MAP2K4: variants seen among roughly 807,000 people sequenced by gnomAD.
The protein encoded by MAP2K4 is mitogen-activated protein kinase kinase 4.
Under a neutral mutation model 48.5 loss-of-function variants are expected in MAP2K4, and 4 were observed. The observed-to-expected ratio is 0.08, with a 90% CI of 0.04 to 0.19. The LOEUF is 0.19. Among genes scored for constraint, MAP2K4 ranks in the 10% least tolerant of loss-of-function variants. The pLI is 1.00. For synonymous variants in MAP2K4, 166 were observed against 173.1 expected (o/e 0.96, Z 0.32); for missense variants, 258 against 493.3 (o/e 0.52, Z 4.52).
chr17:12,137,011 A>G (rs1001092797), intron 9 of MAP2K4, among the ~76,000 whole-genome samples: 2 of 152,242 alleles, frequency 1.3e-5, no homozygotes, highest in Admixed American at 1.3e-4. Context: ...TTTTGCAACC[A>G]GAGGACTGGA....
At chr17:12,098,264 G>C (rs975879597) in intron 4 of MAP2K4, among the ~76,000 whole-genome samples, 5 of 152,124 alleles carry the variant, frequency 3.3e-5, no homozygotes, top group Admixed American at 2.0e-4. Flanking sequence ...CGGATCACGA[G>C]GTCAGGAGCC....
rs1355543573 is a variant in MAP2K4, at chr17:12,129,241, G to A, written c.994G>A (p.Glu332Lys). The A allele has an allele frequency of 6.2e-7, 1 of 1,614,118 alleles. No homozygotes were observed. The highest frequency in any genetic ancestry group is 8.5e-7 in the Non-Finnish European group (1 of 1,180,036). The change falls in exon 9 of 11, where the codon GAG (glutamate) becomes AAG (lysine). Residue 332 changes from glutamate to lysine, a missense_variant. Physicochemically the swap from Glu to Lys is moderately conservative, Grantham distance 56 (BLOSUM62 1). Coordinates refer to ENST00000353533, the MANE Select transcript of MAP2K4 (RefSeq NM_003010.4). ...AGATCCTCCGCAGCTGAGTAATTCT[G>A]AGGAAAGGGAATTCTCCCCGAGTTT... ...KGDPPQLSNS[E>K]EREFSPSFIN...
chr17:12,111,181 TAGGA>T (rs1972292819), intron 6 of MAP2K4, among the ~76,000 whole-genome samples: 1 of 151,966 alleles, frequency 6.6e-6, no homozygotes, highest in South Asian at 2.1e-4. Context: ...TGACAGTAAA[TAGGA>T]AGGAAAGTAA....
intron 1 of MAP2K4, 55 bp downstream of exon 1, chr17:12,021,056 G>T (rs2151501177): frequency 9.2e-7 from 1 of 1,082,002 alleles, no homozygotes; most frequent in Non-Finnish European, 1.2e-6. Context: ...AACCCGCGTC[G>T]TCGCGGCCTG....
chr17:12,125,189 C>T, intron 7 of MAP2K4, 105 bp from the exon 8 acceptor site: 2 of 786,774 alleles, frequency 2.5e-6, no homozygotes, highest in Non-Finnish European at 2.3e-6. Context: ...ATGGATTCCT[C>T]TAGGAATATA....
intron 1 of MAP2K4, among the ~76,000 whole-genome samples, chr17:12,040,873 C>T (rs1233014881): frequency 6.6e-6 from 1 of 152,180 alleles, no homozygotes; most frequent in African/African-American, 2.4e-5. Flanking sequence ...AATTTCTTAA[C>T]CAGCTTTCCT....
Position 12,141,368 on chromosome 17 carries a change from C to A in MAP2K4, c.*108C>A. 1 of 790,884 alleles carries A rather than the reference C, an allele frequency of 1.3e-6. No homozygotes were observed. Among genetic ancestry groups the A allele is most frequent in the Non-Finnish European group, 2.2e-6 (1 of 451,822 alleles). The allele number at this position is 790,884 out of a possible 1,614,324, so 49.0% of individuals were successfully genotyped here. A position where few individuals can be genotyped will look rare whatever the true frequency, so the allele number is the denominator to read the frequency against. On this transcript the variant is annotated 3_prime_UTR_variant, in exon 11 of 11. Transcript: ENST00000353533. ...TTATTGCTCGCCCAGACACCATGTG[C>A]AATAAGATTGGTGTTCGTTTCCATC...
chr17:12,081,312 A>T lies in MAP2K4; in HGVS notation c.219-44A>T. The T allele has an allele frequency of 6.6e-7, 1 of 1,511,380 alleles. No individual in the cohort carries two copies. The highest frequency in any genetic ancestry group is 9.0e-7 in the Non-Finnish European group (1 of 1,112,152). The allele number at this position is 1,511,380 out of a possible 1,614,324, so 93.6% of individuals were successfully genotyped here. ...TCAGTACTAAAAGAAAAAAGTTAAA[A>T]CCTATTTAAAATGTGGAAAAATTGC... On this transcript the variant is annotated intron_variant, in intron 2 of 10. Transcript: ENST00000353533. This position sits in a 1 kb window ranked among gnomAD's most constrained non-coding sequence, Gnocchi z 4.2.
intron 5 of MAP2K4, among the ~76,000 whole-genome samples, chr17:12,108,918 T>G (rs1972215812): frequency 6.6e-6 from 1 of 152,046 alleles, no homozygotes. Flanking sequence ...TTACAATGAT[T>G]AGTTTAGCCA....
At chr17:12,113,447 T>C in intron 7 of MAP2K4, 87 bp downstream of exon 7, 1 of 1,480,662 alleles carries the variant, frequency 6.8e-7, no homozygotes, top group Non-Finnish European at 9.1e-7. Context: ...TCATACGGTT[T>C]TACCATGAAA....
In MAP2K4 at chr17:12,081,242, T is replaced by G; in HGVS notation, c.219-114T>G. 1 of 732,284 alleles carries G rather than the reference T, an allele frequency of 1.4e-6. No individual in the cohort carries two copies. The allele number at this position is 732,284 out of a possible 1,614,324, so 45.4% of individuals were successfully genotyped here. Reference sequence around the variant, plus strand: ...ATGAAAAACTTCAAAAACCTGGAGGTCAGACTATTTTAGTAATTTAGAAAA... The same window carrying G: ...ATGAAAAACTTCAAAAACCTGGAGGGCAGACTATTTTAGTAATTTAGAAAA... On this transcript the variant is annotated intron_variant, in intron 2 of 10. Transcript: ENST00000353533. This position sits in a 1 kb window ranked among gnomAD's most constrained non-coding sequence, Gnocchi z 4.2.
chr17:12,076,979 C>T (rs555519849), intron 2 of MAP2K4, among the ~76,000 whole-genome samples: 1 of 151,962 alleles, frequency 6.6e-6, no homozygotes, highest in Non-Finnish European at 1.5e-5. Context: ...TATGAAGAAA[C>T]CTTGGAATGA....
At chr17:12,109,468 A>G (rs1419209540) in intron 5 of MAP2K4, among the ~76,000 whole-genome samples, 1 of 152,206 alleles carries the variant, frequency 6.6e-6, no homozygotes, top group Non-Finnish European at 1.5e-5. Flanking sequence ...TGTACCTAGC[A>G]GCTTGACGTC....
chr17:12,059,859 T>C (rs1455603767), intron 2 of MAP2K4, among the ~76,000 whole-genome samples: 1 of 152,214 alleles, frequency 6.6e-6, no homozygotes. Context: ...GTGAGAACTG[T>C]GTCTTATAAA....
chr17:12,117,186 A>G (rs996687421), intron 7 of MAP2K4, among the ~76,000 whole-genome samples: 3 of 152,170 alleles, frequency 2.0e-5, no homozygotes, highest in African/African-American at 7.2e-5. Flanking sequence ...GAAAAAGACC[A>G]TTCTTCTACA....
intron 1 of MAP2K4, among the ~76,000 whole-genome samples, chr17:12,042,995 C>G (rs1321972327): frequency 6.7e-6 from 1 of 148,728 alleles, no homozygotes; most frequent in Non-Finnish European, 1.5e-5. Flanking sequence ...TGCAGTGAGC[C>G]GAGATTGTGC....
intron 8 of MAP2K4, among the ~76,000 whole-genome samples, chr17:12,128,100 T>C (rs1972908358): frequency 6.6e-6 from 1 of 152,228 alleles, no homozygotes; most frequent in Admixed American, 6.5e-5. Flanking sequence ...TTTTTTGAGA[T>C]GGAGTCTCTC....
In MAP2K4 at chr17:12,110,407, C is replaced by T. The variant is rs1972265244; in HGVS notation, c.666C>T (p.Asn222=). Residue 222 remains asparagine, a synonymous_variant, in exon 6 of 11, where the codon AAC becomes AAT. Coordinates refer to ENST00000353533, the MANE Select transcript of MAP2K4 (RefSeq NM_003010.4). ...TVKALNHLKE[N]LKIIHRDIKP... ...AAGCACTAAACCACTTAAAAGAAAA[C>T]TTGAAAATTATTCACAGAGGTGGGT... 6 of 1,610,788 alleles carry T rather than the reference C, an allele frequency of 3.7e-6. No homozygotes were observed. In the East Asian group the frequency reaches 1.3e-4, roughly 36 times the overall value.
chr17:12,094,163 A>G (rs1475608101), intron 3 of MAP2K4, among the ~76,000 whole-genome samples: 3 of 152,208 alleles, frequency 2.0e-5, no homozygotes, highest in Admixed American at 6.5e-5. Flanking sequence ...GATATTTAAT[A>G]TAAAAGTTGT....
Sources: allele counts gnomAD v4.1 joint callset (sites outside exome capture counted in the v4.1 genomes callset), GRCh38; gene constraint gnomAD v4.1.1; non-coding constraint Gnocchi (gnomAD v3.1); transcripts MANE v1.5; gene names NCBI Gene and HGNC (gene_info 2026-07-23, HGNC 2026-07-21).